The following LRRC37A2 variants were observed in gnomAD, a reference collection of about 807,000 sequenced individuals.
LRRC37A2 encodes the protein leucine-rich repeat-containing protein 37A2.
A neutral mutation model predicts 68.8 loss-of-function variants in LRRC37A2; 9 were observed. That is an observed-to-expected ratio of 0.13 (90% CI 0.08 to 0.23). LRRC37A2 has a LOEUF of 0.23. LRRC37A2 is among the 10% of genes least tolerant of loss of function. The pLI, the probability that LRRC37A2 is intolerant of heterozygous loss-of-function variation, is 1.00. For missense variants in LRRC37A2, 168 were observed against 950.4 expected (o/e 0.18, Z 10.82); for synonymous variants, 63 against 367.6 (o/e 0.17, Z 9.48).
the LRRC37A2 span, chr17:46,978,985 T>A: frequency 6.9e-7 from 1 of 1,440,030 alleles, no homozygotes; most frequent in Non-Finnish European, 9.0e-7. Flanking sequence ...CAAGCCGCTG[T>A]GGTTCAGGAA....
At chr17:47,000,581 ACTC>A in the LRRC37A2 span, among the ~76,000 whole-genome samples, 1 of 151,504 alleles carries the variant, frequency 6.6e-6, no homozygotes, top group Non-Finnish European at 1.5e-5. Flanking sequence ...CCCCATGGGC[ACTC>A]CACCATCATG....
the LRRC37A2 span, among the ~76,000 whole-genome samples, chr17:46,479,923 T>TA: frequency 1.1e-5 from 1 of 93,822 alleles, no homozygotes; most frequent in East Asian, 2.6e-4. Context: ...GCCAAAGGTT[T>TA]GGATGGTGTG....
At chr17:46,718,454 CAT>C in the LRRC37A2 span, among the ~76,000 whole-genome samples, 2 of 152,182 alleles carry the variant, frequency 1.3e-5, no homozygotes, top group Non-Finnish European at 2.9e-5. Flanking sequence ...TTGATCGTTA[CAT>C]GTTTTATACT....
chr17:46,774,852 C>T, the LRRC37A2 span, among the ~76,000 whole-genome samples: 5 of 152,178 alleles, frequency 3.3e-5, no homozygotes, highest in African/African-American at 1.2e-4. Flanking sequence ...CTGGGAGAAC[C>T]TGAGAAAATG....
chr17:46,921,967 G>A, the LRRC37A2 span, among the ~76,000 whole-genome samples: 1 of 152,184 alleles, frequency 6.6e-6, no homozygotes, highest in Non-Finnish European at 1.5e-5. Flanking sequence ...ATTTGACCCA[G>A]CCATCCCATT....
chr17:46,948,633 CA>C, the LRRC37A2 span: 1 of 152,234 alleles, frequency 6.6e-6, no homozygotes. Flanking sequence ...GTGGTGAAGA[CA>C]AAGCCAATCA....
the LRRC37A2 span, among the ~76,000 whole-genome samples, chr17:46,960,730 G>T: frequency 5.9e-5 from 9 of 152,358 alleles, no homozygotes; most frequent in East Asian, 1.5e-3. Flanking sequence ...GATGCATTAA[G>T]ATAAGTGTGA....
At chr17:47,022,986 T>C in the LRRC37A2 span, among the ~76,000 whole-genome samples, 1 of 152,232 alleles carries the variant, frequency 6.6e-6, no homozygotes, top group Admixed American at 6.5e-5. Context: ...TTAATTGCCT[T>C]CAAAAATTTT....
the LRRC37A2 span, chr17:47,019,093 C>G: frequency 7.8e-7 from 1 of 1,288,222 alleles, no homozygotes; most frequent in Admixed American, 1.7e-5. Context: ...CCGAAGAGGA[C>G]TATAGTTTCT....
the LRRC37A2 span, among the ~76,000 whole-genome samples, chr17:46,959,309 T>C: frequency 6.6e-6 from 1 of 152,222 alleles, no homozygotes; most frequent in Admixed American, 6.5e-5. Context: ...AGCATTCTGC[T>C]TTCTTTTTGG....
At chr17:46,747,326 G>C in the LRRC37A2 span, among the ~76,000 whole-genome samples, 2 of 152,100 alleles carry the variant, frequency 1.3e-5, no homozygotes, top group African/African-American at 4.8e-5. Context: ...TGTCACCCAG[G>C]CAGGAGTGCA....
the LRRC37A2 span, among the ~76,000 whole-genome samples, chr17:46,976,338 G>C: frequency 1.3e-5 from 2 of 151,144 alleles, no homozygotes; most frequent in Admixed American, 6.6e-5. Flanking sequence ...TTCGACACCA[G>C]CCTGGCCAAC....
At chr17:46,908,108 G>A in the LRRC37A2 span, among the ~76,000 whole-genome samples, 1 of 152,120 alleles carries the variant, frequency 6.6e-6, no homozygotes. Flanking sequence ...GAGCTGCAGA[G>A]GCTGCTATGG....
chr17:46,532,019 T>G (rs1349539206), intron 6 of LRRC37A2, among the ~76,000 whole-genome samples: 1 of 149,598 alleles, frequency 6.7e-6, no homozygotes, highest in African/African-American at 2.5e-5. Context: ...TTCATTATTT[T>G]GCACATAGAT....
chr17:46,767,496 T>C, the LRRC37A2 span, among the ~76,000 whole-genome samples: 1 of 152,124 alleles, frequency 6.6e-6, no homozygotes. Context: ...AGAGGAGACA[T>C]TTTGGCTCGC....
chr17:47,036,887 A>G, the LRRC37A2 span, among the ~76,000 whole-genome samples: 1 of 133,272 alleles, frequency 7.5e-6, no homozygotes, highest in Non-Finnish European at 1.6e-5. Flanking sequence ...TGGGATTTTG[A>G]TAAGAATTGT....
At chr17:46,923,495 A>G in the LRRC37A2 span, 6 of 1,380,084 alleles carry the variant, frequency 4.3e-6, no homozygotes, top group Non-Finnish European at 5.6e-6. Context: ...GTGACGGGAA[A>G]CTGGCACCTG....
the LRRC37A2 span, among the ~76,000 whole-genome samples, chr17:46,494,074 A>T: frequency 1.4e-5 from 2 of 145,456 alleles, no homozygotes; most frequent in South Asian, 4.3e-4. Context: ...TGAACTCCTG[A>T]GCTCAAGCAA....
the LRRC37A2 span, among the ~76,000 whole-genome samples, chr17:46,889,054 C>T: frequency 6.6e-6 from 1 of 152,122 alleles, no homozygotes; most frequent in Admixed American, 6.5e-5. Flanking sequence ...CTTGCCTGCT[C>T]AGCTCTTCCC....
Sources: gnomAD v4.1 joint callset for allele counts (sites outside exome capture counted in the v4.1 genomes callset) on GRCh38, gnomAD v4.1.1 for gene constraint, MANE v1.5 for transcripts, NCBI Gene and HGNC (gene_info 2026-07-23, HGNC 2026-07-21) for gene names.